The following MEGF6 variants were observed in gnomAD, a reference collection of about 807,000 sequenced individuals.
The protein encoded by MEGF6 is multiple epidermal growth factor-like domains protein 6.
A neutral mutation model predicts 207.1 loss-of-function variants in MEGF6; 184 were observed. That is an observed-to-expected ratio of 0.89 (90% CI 0.79 to 1.00). The LOEUF is 1.00. Ranked by LOEUF, MEGF6 falls within the 50% of genes least tolerant of loss-of-function variation. The pLI, the probability that MEGF6 is intolerant of heterozygous loss-of-function variation, is 0.00. For missense variants in MEGF6, 2,282 were observed against 2,202.9 expected (o/e 1.04, Z -0.72); for synonymous variants, 1,038 against 910.0 (o/e 1.14, Z -2.53).
chr1:3,524,354 C>G, intron 4 of MEGF6, 108 bp from the exon 5 acceptor site: 3 of 1,430,502 alleles, frequency 2.1e-6, no homozygotes, highest in African/African-American at 2.8e-5. Flanking sequence ...TCCCGTGCCT[C>G]GAGGGCACCA....
chr1:3,492,620 C>T lies in MEGF6; in HGVS notation c.4516+19G>A. 2 of 1,601,432 alleles carry T rather than the reference C, an allele frequency of 1.2e-6. No homozygotes were observed. The highest frequency in any genetic ancestry group is 1.7e-6 in the Non-Finnish European group (2 of 1,170,616). On this transcript the variant is annotated intron_variant, in intron 35 of 36. Transcript: ENST00000356575. ...GGGGGATGGTGCCTTCCCGCCCTTC[C>T]CCAGGAAGCCCAGCTCACCTTCCCG... is the stretch of plus-strand genomic sequence containing the variant.
intron 4 of MEGF6, among the ~76,000 whole-genome samples, chr1:3,577,118 C>A (rs1231973417): frequency 6.6e-6 from 1 of 152,216 alleles, no homozygotes; most frequent in Non-Finnish European, 1.5e-5. Flanking sequence ...ACCCTCGGCT[C>A]TGCACACCCA....
chr1:3,566,232 A>C (rs1557780953), intron 4 of MEGF6, among the ~76,000 whole-genome samples: 1 of 152,114 alleles, frequency 6.6e-6, no homozygotes, highest in Non-Finnish European at 1.5e-5. Context: ...CCTGCTCTGG[A>C]ATGCCTGGGG....
intron 4 of MEGF6, among the ~76,000 whole-genome samples, chr1:3,561,706 C>G (rs1643207573): frequency 6.6e-6 from 1 of 152,246 alleles, no homozygotes; most frequent in Admixed American, 6.5e-5. Flanking sequence ...AACGCAGAAG[C>G]AGCAACAGAA....
intron 29 of MEGF6, 59 bp downstream of exon 29, chr1:3,496,596 T>C: frequency 6.4e-7 from 1 of 1,550,650 alleles, no homozygotes; most frequent in Admixed American, 1.9e-5. Context: ...GCAGGCTGGC[T>C]GGCCCTACCC....
chr1:3,536,043 C>T (rs1314302425), intron 4 of MEGF6, among the ~76,000 whole-genome samples: 2 of 152,208 alleles, frequency 1.3e-5, no homozygotes, highest in African/African-American at 2.4e-5. Context: ...GCTCCGGCTT[C>T]GCACCCTGGC....
chr1:3,520,192 A>G (rs953954723), intron 5 of MEGF6, among the ~76,000 whole-genome samples: 1 of 152,200 alleles, frequency 6.6e-6, no homozygotes, highest in Non-Finnish European at 1.5e-5. Flanking sequence ...GCTCAACCCA[A>G]GGCACATGAG....
At chr1:3,535,769 A>G (rs937722768) in intron 4 of MEGF6, among the ~76,000 whole-genome samples, 8 of 152,220 alleles carry the variant, frequency 5.3e-5, no homozygotes, top group African/African-American at 1.9e-4. Context: ...CCCCAGGGTC[A>G]TGCAGGGAAG....
intron 4 of MEGF6, among the ~76,000 whole-genome samples, chr1:3,530,007 CA>C (rs1228147540): frequency 6.6e-6 from 1 of 152,248 alleles, no homozygotes; most frequent in African/African-American, 2.4e-5. Flanking sequence ...CTCTCTCCCC[CA>C]AAAGCTGGAG....
intron 21 of MEGF6, among the ~76,000 whole-genome samples, chr1:3,500,270 C>G (rs1425527862): frequency 2.0e-5 from 3 of 152,336 alleles, no homozygotes; most frequent in Middle Eastern, 3.4e-3. Context: ...TCTCCATCCC[C>G]CAGGTGCCAG....
chr1:3,506,358 C>T lies in MEGF6; in HGVS notation c.1790-122G>A, dbSNP rs913350311. The T allele has an allele frequency of 4.7e-6, 6 of 1,264,014 alleles. No individual in the cohort carries two copies. The African/African-American group carries it at 9.1e-5, about 19-fold the overall frequency. The allele number at this position is 1,264,014 out of a possible 1,614,324, so 78.3% of individuals were successfully genotyped here. On this transcript the variant is annotated intron_variant, in intron 14 of 36. Coordinates refer to ENST00000356575, the MANE Select transcript of MEGF6 (RefSeq NM_001409.4). ...CACAGGAGCTGGGAGCAGCCCCCGC[C>T]AGGGCACTAGGTGAGCCTTCCGGAT...
intron 34 of MEGF6, chr1:3,493,208 C>T (rs1159475363): frequency 4.5e-6 from 1 of 221,952 alleles, no homozygotes; most frequent in East Asian, 1.3e-4. Flanking sequence ...TCAGGTGAGC[C>T]CCTCCTATCC....
intron 2 of MEGF6, among the ~76,000 whole-genome samples, chr1:3,601,450 G>C (rs1447762427): frequency 6.6e-6 from 1 of 152,222 alleles, no homozygotes; most frequent in Non-Finnish European, 1.5e-5. Flanking sequence ...TTTTTGCTCA[G>C]GGTCCCTGAA....
Position 3,566,484 on chromosome 1 carries a change from C to T in MEGF6, c.481+13341G>A, listed in dbSNP as rs148461133. On this transcript the variant is annotated intron_variant, in intron 4 of 36. Coordinates refer to ENST00000356575, the MANE Select transcript of MEGF6 (RefSeq NM_001409.4). ...CCACTTTGGCAGCCAGGCCAAGAAC[C>T]GAGCTGTTCACAGGCCGCTCTGGAA... 4.5e-3 allele frequency among the ~76,000 whole-genome samples: 692 copies of T among 152,314 alleles called. 9 individuals carry two copies. The highest frequency in any genetic ancestry group is 0.015 in the African/African-American group (637 of 41,570).
intron 35 of MEGF6, among the ~76,000 whole-genome samples, 191 bp from the exon 36 acceptor site, chr1:3,491,150 C>T (rs1640345887): frequency 6.6e-6 from 1 of 151,996 alleles, no homozygotes; most frequent in Non-Finnish European, 1.5e-5. Flanking sequence ...CTCTCCCTCT[C>T]CCCATAGGAA....
rs371864491 is a variant in MEGF6 at position 3,604,947 on chromosome 1, G to A, written c.132-2347C>T. Among the ~76,000 whole-genome samples the A allele has an allele frequency of 4.6e-5, 7 of 152,142 alleles. No homozygotes were observed. The East Asian group carries it at 5.8e-4, about 13-fold the overall frequency. ...CTGACCCCCAGACTACAGCACCCAT[G>A]GGGGATGGTCTCACAGCCCCCAGGG... On this transcript the variant is annotated intron_variant, in intron 1 of 36. Transcript: ENST00000356575.
chr1:3,504,662 C>G (rs1261748525), intron 17 of MEGF6, among the ~76,000 whole-genome samples: 1 of 152,132 alleles, frequency 6.6e-6, no homozygotes, highest in Non-Finnish European at 1.5e-5. Context: ...CAGCCAGCTC[C>G]TAACAGCCTC....
Position 3,500,647 on chromosome 1 carries a change from G to A in MEGF6, c.2693C>T (p.Pro898Leu), listed in dbSNP as rs61742846. Residue 898 changes from proline (P) to leucine (L), a missense_variant, in exon 21 of 37, where the codon CCG becomes CTG. Coordinates refer to ENST00000356575, the MANE Select transcript of MEGF6 (RefSeq NM_001409.4). ...CCGGGACTCACGCTGCTCGCACCGC[G>A]GGCCCACGTAGCCAGCCTCACACAG... ...LCLCEAGYVG[P>L]RCEQQCPQGH... 49,744 of 1,561,120 alleles carry A rather than the reference G, an allele frequency of 0.032. 922 individuals carry two copies. Among genetic ancestry groups the A allele is most frequent in the East Asian group, 0.058 (2,430 of 41,562 alleles).
chr1:3,604,334 AAGGCAGGGCACG>A (rs372845121), intron 1 of MEGF6, among the ~76,000 whole-genome samples: 2 of 152,166 alleles, frequency 1.3e-5, no homozygotes, highest in African/African-American at 4.8e-5. Context: ...GGTGGGGCAC[AAGGCAGGGCACG>A]AGGCAGGGCA....
Sources: allele counts gnomAD v4.1 joint callset (sites outside exome capture counted in the v4.1 genomes callset), GRCh38; gene constraint gnomAD v4.1.1; transcripts MANE v1.5; gene names NCBI Gene and HGNC (gene_info 2026-07-23, HGNC 2026-07-21).